The following GPHN variants were observed in gnomAD, a reference collection of about 807,000 sequenced individuals.
The protein encoded by GPHN is gephyrin.
A neutral mutation model predicts 95.5 loss-of-function variants in GPHN; 17 were observed. The ratio of observed to expected loss-of-function variants is 0.18; its 90% CI spans 0.12 to 0.27. The LOEUF (loss-of-function observed/expected upper bound fraction) is 0.27, where lower values mean the gene tolerates loss of function less well. GPHN is among the 10% of genes least tolerant of loss of function. GPHN has a pLI of 1.00. For missense variants in GPHN, 660 were observed against 978.1 expected (o/e 0.67, Z 4.34); for synonymous variants, 320 against 322.5 (o/e 0.99, Z 0.08).
the GPHN span, chr14:67,200,123 G>A: frequency 1.9e-6 from 2 of 1,071,466 alleles, no homozygotes; most frequent in South Asian, 1.5e-5. Flanking sequence ...CCCCCCCGAA[G>A]GCCTCCATTC....
At chr14:67,632,193 TTATCTC>T in the GPHN span, among the ~76,000 whole-genome samples, 6 of 152,144 alleles carry the variant, frequency 3.9e-5, no homozygotes, top group African/African-American at 1.4e-4. Context: ...AGCAAAAACT[TTATCTC>T]TAATACTTAT....
the GPHN span, among the ~76,000 whole-genome samples, chr14:67,484,616 C>T: frequency 6.6e-6 from 1 of 152,042 alleles, no homozygotes; most frequent in African/African-American, 2.4e-5. Context: ...AAAGCCAATC[C>T]ATGCATCATA....
At chr14:67,035,778 A>C (rs568648712) in intron 10 of GPHN, among the ~76,000 whole-genome samples, 1 of 151,880 alleles carries the variant, frequency 6.6e-6, no homozygotes, top group Non-Finnish European at 1.5e-5. Flanking sequence ...ACCTCCCAAT[A>C]AAGTAAAACC....
chr14:67,576,954 T>G, the GPHN span, among the ~76,000 whole-genome samples: 1 of 152,146 alleles, frequency 6.6e-6, no homozygotes, highest in African/African-American at 2.4e-5. The surrounding 1 kb of genome is among the most constrained non-coding windows in gnomAD (Gnocchi z 4.0). Flanking sequence ...CCTTTACTAC[T>G]GCTCTGAGGC....
chr14:67,299,671 A>ATG, the GPHN span, among the ~76,000 whole-genome samples: 4 of 152,202 alleles, frequency 2.6e-5, no homozygotes, highest in South Asian at 6.2e-4. Context: ...AGCTGATGAT[A>ATG]TGTGTTGACA....
intron 4 of GPHN, among the ~76,000 whole-genome samples, chr14:66,836,799 T>TTC (rs2061842259): frequency 1.3e-5 from 2 of 151,942 alleles, no homozygotes; most frequent in Non-Finnish European, 2.9e-5. Flanking sequence ...GAACAGACAC[T>TTC]TCTCAAAAGA....
At chr14:67,225,300 A>C in the GPHN span, 1 of 1,356,888 alleles carries the variant, frequency 7.4e-7, no homozygotes, top group East Asian at 2.7e-5. Context: ...ATAGGAATAC[A>C]TGATAGCTAT....
the GPHN span, among the ~76,000 whole-genome samples, chr14:67,281,025 A>G: frequency 1.5e-4 from 23 of 151,236 alleles, no homozygotes; most frequent in African/African-American, 5.1e-4. Flanking sequence ...TAGCCTCCCG[A>G]GTGGCTGGGA....
At chr14:66,836,519 G>A (rs1162077347) in intron 4 of GPHN, among the ~76,000 whole-genome samples, 5 of 138,870 alleles carry the variant, frequency 3.6e-5, no homozygotes, top group Non-Finnish European at 6.0e-5. Flanking sequence ...TTACCATTCA[G>A]GACATAGGCA....
chr14:67,105,583 G>T (rs1231992645), intron 13 of GPHN, among the ~76,000 whole-genome samples: 1 of 151,998 alleles, frequency 6.6e-6, no homozygotes, highest in Non-Finnish European at 1.5e-5. Context: ...ATTATAGAAT[G>T]ACCTCTCATA....
chr14:67,498,310 C>G, the GPHN span, among the ~76,000 whole-genome samples: 1 of 152,144 alleles, frequency 6.6e-6, no homozygotes, highest in Non-Finnish European at 1.5e-5. Context: ...CTGTGGTTCT[C>G]CCTGTGCACA....
At chr14:67,062,103 C>T (rs942838319) in intron 11 of GPHN, among the ~76,000 whole-genome samples, 1 of 152,084 alleles carries the variant, frequency 6.6e-6, no homozygotes, top group Non-Finnish European at 1.5e-5. Context: ...AAGCAGAGTT[C>T]TGTAAGTGTG....
At chr14:67,713,147 TG>T in the GPHN span, among the ~76,000 whole-genome samples, 1 of 152,096 alleles carries the variant, frequency 6.6e-6, no homozygotes, top group East Asian at 1.9e-4. Context: ...ACCAGCTTTT[TG>T]TTAACTTTAG....
At chr14:66,573,448 AC>A (rs2060777688) in intron 1 of GPHN, among the ~76,000 whole-genome samples, 2 of 145,612 alleles carry the variant, frequency 1.4e-5, no homozygotes, top group Non-Finnish European at 1.5e-5. Flanking sequence ...TTATATAATA[AC>A]CTTTTTTTTT....
chr14:66,729,829 C>G (rs2071605848), intron 2 of GPHN, among the ~76,000 whole-genome samples: 1 of 152,152 alleles, frequency 6.6e-6, no homozygotes, highest in African/African-American at 2.4e-5. Context: ...AATGGGTTGT[C>G]AGAAAGAAGA....
chr14:67,122,952 T>A (rs550863350), intron 17 of GPHN, among the ~76,000 whole-genome samples: 1 of 152,248 alleles, frequency 6.6e-6, no homozygotes, highest in Non-Finnish European at 1.5e-5. Flanking sequence ...CTAAGTTTTC[T>A]AAGTATTTCT....
chr14:67,449,440 T>C, the GPHN span, among the ~76,000 whole-genome samples: 89 of 152,070 alleles, frequency 5.9e-4, no homozygotes, highest in Non-Finnish European at 1.6e-4. Context: ...TTGTCACTGA[T>C]CCTTGAACCC....
chr14:67,475,869 T>C, the GPHN span, among the ~76,000 whole-genome samples: 2 of 152,238 alleles, frequency 1.3e-5, no homozygotes, highest in African/African-American at 2.4e-5. Flanking sequence ...CAATGGCTTT[T>C]TGAGGTATGT....
the GPHN span, chr14:67,619,752 G>C: frequency 2.0e-6 from 1 of 508,770 alleles, no homozygotes. Context: ...GTGGGGTGAC[G>C]TCATCGAAGG....
Sources: allele counts gnomAD v4.1 joint callset (sites outside exome capture counted in the v4.1 genomes callset), GRCh38; gene constraint gnomAD v4.1.1; non-coding constraint Gnocchi (gnomAD v3.1); transcripts MANE v1.5; gene names NCBI Gene and HGNC (gene_info 2026-07-23, HGNC 2026-07-21).